The following EEA1 variants were observed in gnomAD, a reference collection of about 807,000 sequenced individuals.
EEA1 encodes the protein early endosome antigen 1, 162kD.
In EEA1, 111 loss-of-function variants were observed where a neutral mutation model predicts 209.2. The ratio of observed to expected loss-of-function variants is 0.53; its 90% CI spans 0.45 to 0.62. The LOEUF is 0.62. Ranked by LOEUF, EEA1 falls within the 20% of genes least tolerant of loss-of-function variation. EEA1 has a pLI of 0.00. For synonymous variants in EEA1, 536 were observed against 540.6 expected (o/e 0.99, Z 0.12); for missense variants, 1,343 against 1,530.8 (o/e 0.88, Z 2.05).
chr12:92,882,043 TTC>T (rs1879169531), intron 2 of EEA1, among the ~76,000 whole-genome samples: 1 of 152,132 alleles, frequency 6.6e-6, no homozygotes, highest in Non-Finnish European at 1.5e-5. Context: ...TAAATATATT[TTC>T]TCTTTGTTAT....
At position 92,809,076 on chromosome 12, in the gene EEA1, G is replaced by C. The variant is rs932273313; in HGVS notation, c.2280C>G (p.Asn760Lys). ...LQDLQQQRQL[N>K]TDLELRATEL... ...CTGTGGCTCTGAGCTCTAAATCTGTGTTCAGCTGTCTTTGCTGTTGTAGAT... is the reference window on the plus strand; with the variant it reads ...CTGTGGCTCTGAGCTCTAAATCTGTCTTCAGCTGTCTTTGCTGTTGTAGAT... The change falls in exon 18 of 29, where the codon AAC becomes AAG. Residue 760 changes from asparagine to lysine, a missense_variant. Coordinates refer to ENST00000322349, the MANE Select transcript of EEA1 (RefSeq NM_003566.4). The C allele has an allele frequency of 1.2e-6, 2 of 1,607,462 alleles. No individual in the cohort carries two copies.
rs1226281829 is a variant in EEA1, at chr12:92,774,320, A to G, written c.*1691T>C. 6.6e-6 allele frequency: 1 copy of G among 151,482 alleles called. No individual in the cohort carries two copies. The highest frequency in any genetic ancestry group is 1.5e-5 in the Non-Finnish European group (1 of 67,552). 9.4% of individuals were successfully genotyped at this position (151,482 alleles called of 1,614,324 possible). A position where few individuals can be genotyped will look rare whatever the true frequency, so the allele number is the denominator to read the frequency against. On this transcript the variant is annotated 3_prime_UTR_variant, in exon 29 of 29. Transcript: ENST00000322349. Reference sequence around the variant, plus strand: ...TTAATAGCTAATGACAACAGGGTTTACTTAAATTTTTTTTTAAATAATTAA... The same window carrying G: ...TTAATAGCTAATGACAACAGGGTTTGCTTAAATTTTTTTTTAAATAATTAA...
rs774312628 is a variant in EEA1 at position 92,851,193 on chromosome 12, T to G, written c.716A>C (p.Asn239Thr). The G allele has an allele frequency of 6.2e-7, 1 of 1,614,006 alleles. No individual in the cohort carries two copies. The highest frequency in any genetic ancestry group is 1.1e-5 in the South Asian group (1 of 91,076). The change falls in exon 9 of 29, where the codon AAC becomes ACC. Residue 239 changes from asparagine to threonine, a missense_variant. By Grantham distance (65) the Asn-to-Thr change is moderately conservative. Coordinates refer to ENST00000322349, the MANE Select transcript of EEA1 (RefSeq NM_003566.4). ...ELVQVQTLMD[N>T]MTLERERESE... is the part of the protein sequence containing the mutation. ...TTCTCGCTCACGTTCCAAGGTCATG[T>G]TATCCATTAGTGTTTGAACTTGGAC...
intron 13 of EEA1, among the ~76,000 whole-genome samples, chr12:92,824,611 A>C (rs1306547261): frequency 6.6e-6 from 1 of 151,988 alleles, no homozygotes; most frequent in Non-Finnish European, 1.5e-5. Context: ...TTAACATACT[A>C]ATGTTCTTCT....
chr12:92,852,152 T>C (rs1877656959), intron 8 of EEA1, 23 bp downstream of exon 8: 1 of 1,557,714 alleles, frequency 6.4e-7, no homozygotes, highest in African/African-American at 1.4e-5. Context: ...AGAGTACATC[T>C]CAATAAATAA....
chr12:92,808,376 T>A (rs1383149497), intron 18 of EEA1, among the ~76,000 whole-genome samples: 1 of 152,212 alleles, frequency 6.6e-6, no homozygotes, highest in Non-Finnish European at 1.5e-5. Flanking sequence ...TATGTGTGAA[T>A]TTCGCATCAA....
chr12:92,914,954 G>C (rs561592533), intron 1 of EEA1, among the ~76,000 whole-genome samples: 1 of 152,068 alleles, frequency 6.6e-6, no homozygotes, highest in African/African-American at 2.4e-5. Context: ...GTGAGCCACC[G>C]CACCTGGCCA....
chr12:92,832,450 A>G (rs1876695700), intron 11 of EEA1, 62 bp downstream of exon 11: 2 of 1,447,414 alleles, frequency 1.4e-6, no homozygotes, highest in Non-Finnish European at 1.9e-6. Flanking sequence ...TCAAATAACC[A>G]TCAAGTACAC....
At chr12:92,897,855 G>A (rs1398002258) in intron 1 of EEA1, among the ~76,000 whole-genome samples, 5 of 152,162 alleles carry the variant, frequency 3.3e-5, no homozygotes, top group African/African-American at 4.8e-5. Flanking sequence ...AGGCTCAAAC[G>A]ATTGTTGGCA....
At chr12:92,897,105 C>G (rs535607039) in intron 1 of EEA1, among the ~76,000 whole-genome samples, 5 of 152,266 alleles carry the variant, frequency 3.3e-5, no homozygotes, top group Admixed American at 2.6e-4. Context: ...GGCAAGGAAA[C>G]TAAGGCTGTT....
At chr12:92,889,737 AAAAACAAAAC>A (rs945833606) in intron 2 of EEA1, among the ~76,000 whole-genome samples, 1 of 152,126 alleles carries the variant, frequency 6.6e-6, no homozygotes, top group Non-Finnish European at 1.5e-5. Flanking sequence ...CGTCTCTACT[AAAAACAAAAC>A]AAAACAAAAC....
In EEA1 at chr12:92,787,969, T is replaced by G; in HGVS notation, c.3048A>C (p.Val1016=). Residue 1016 remains valine, a synonymous_variant, in exon 22 of 29, where the codon GTA becomes GTC. Transcript: ENST00000322349. ...ELAAEKEKIS[V]LQNNYEKSQE... is the part of the protein sequence containing the mutation. ...GACTTTTTTCATAGTTGTTTTGTAA[T>G]ACTGATATTTTCTCTTTCTCTGCTG... 2 of 1,613,382 alleles carry G rather than the reference T, an allele frequency of 1.2e-6. No individual in the cohort carries two copies. The highest frequency in any genetic ancestry group is 1.7e-6 in the Non-Finnish European group (2 of 1,179,660).
intron 20 of EEA1, 21 bp downstream of exon 20, chr12:92,801,579 G>T: frequency 1.3e-6 from 2 of 1,496,678 alleles, no homozygotes; most frequent in Non-Finnish European, 1.8e-6. Context: ...CAGATTTTAT[G>T]TTACAAAAAA....
intron 13 of EEA1, among the ~76,000 whole-genome samples, chr12:92,820,108 A>G (rs1875976515): frequency 6.6e-6 from 1 of 152,096 alleles, no homozygotes; most frequent in Non-Finnish European, 1.5e-5. Flanking sequence ...CCCCCCATTA[A>G]AATGTATACT....
At chr12:92,838,102 T>C (rs1214237940) in intron 10 of EEA1, among the ~76,000 whole-genome samples, 1 of 152,222 alleles carries the variant, frequency 6.6e-6, no homozygotes, top group African/African-American at 2.4e-5. Flanking sequence ...TTATTAAGAT[T>C]AGTAGAAGGT....
At chr12:92,839,019 A>C (rs1359797199) in intron 10 of EEA1, among the ~76,000 whole-genome samples, 2 of 152,156 alleles carry the variant, frequency 1.3e-5, no homozygotes, top group East Asian at 3.8e-4. Flanking sequence ...AATTGATAGT[A>C]TTTGTTGCCA....
chr12:92,806,208 CAAAAT>C (rs1195084501), intron 18 of EEA1, among the ~76,000 whole-genome samples: 1 of 152,014 alleles, frequency 6.6e-6, no homozygotes, highest in African/African-American at 2.4e-5. Context: ...AGAAAACTGA[CAAAAT>C]AAATCAAAAG....
chr12:92,899,622 T>C lies in EEA1; in HGVS notation c.25-7901A>G, dbSNP rs1174210950. Among the ~76,000 whole-genome samples the C allele has an allele frequency of 4.6e-5, 7 of 152,316 alleles. No homozygotes were observed. The East Asian group carries it at 1.2e-3, about 25-fold the overall frequency. On this transcript the variant is annotated intron_variant, in intron 1 of 28. Transcript: ENST00000322349. ...CTGCTGACACTGTAATCTGTCCTCA[T>C]TGGGAAAGTTAGGATCATCTTCCTG... is the stretch of plus-strand genomic sequence containing the variant.
intron 2 of EEA1, among the ~76,000 whole-genome samples, chr12:92,881,645 A>C (rs181512514): frequency 5.4e-4 from 82 of 152,290 alleles, no homozygotes; most frequent in Non-Finnish European, 1.0e-3. Flanking sequence ...ACAGATGAGA[A>C]TTAGTAAAAG....
Sources: gnomAD v4.1 joint callset for allele counts (sites outside exome capture counted in the v4.1 genomes callset) on GRCh38, gnomAD v4.1.1 for gene constraint, MANE v1.5 for transcripts, NCBI Gene and HGNC (gene_info 2026-07-23, HGNC 2026-07-21) for gene names.